Variants in CCDC73 observed in about 807,000 individuals in gnomAD.
CCDC73 encodes the protein coiled-coil domain containing 73.
CCDC73 carries 95 observed loss-of-function variants against 116.5 expected under a neutral mutation model. The observed-to-expected ratio is 0.82, with a 90% CI of 0.69 to 0.97. The LOEUF (loss-of-function observed/expected upper bound fraction) is 0.97, where lower values mean the gene tolerates loss of function less well. Ranked by LOEUF, CCDC73 falls within the 50% of genes least tolerant of loss-of-function variation. The pLI, the probability that CCDC73 is intolerant of heterozygous loss-of-function variation, is 0.00. For synonymous variants in CCDC73, 398 were observed against 401.3 expected, an observed-to-expected ratio of 0.99 and a Z score of 0.10; for missense variants, 1,066 against 1,206.8, an observed-to-expected ratio of 0.88 and a Z score of 1.73.
intron 1 of CCDC73, among the ~76,000 whole-genome samples, chr11:32,773,176 G>T (rs1028458907): frequency 6.6e-6 from 1 of 152,048 alleles, no homozygotes; most frequent in Non-Finnish European, 1.5e-5. Flanking sequence ...ATCACAAAAG[G>T]CCACATATTT....
In CCDC73 at chr11:32,748,174, AT is replaced by A. The variant is rs201142503; in HGVS notation, c.135+11934del. ...GAGGACTATCTCTCATCATTTTGTT[AT>A]TTTTTTTTTCTGGTTGTTTTGTGGT... On this transcript the variant is annotated intron_variant, in intron 2 of 17. Transcript: ENST00000335185. 3.2e-3 allele frequency among the ~76,000 whole-genome samples: 468 copies of A among 146,156 alleles called. 4 individuals are homozygous for A. Among genetic ancestry groups the A allele is most frequent in the East Asian group, 0.02 (100 of 4,958 alleles).
the CCDC73 span, among the ~76,000 whole-genome samples, chr11:32,815,460 A>T: frequency 6.7e-6 from 1 of 150,312 alleles, no homozygotes; most frequent in Non-Finnish European, 1.5e-5. Context: ...TCAGCCTCCC[A>T]AAGCGCTGGG....
At chr11:32,637,679 T>C (rs577059076) in intron 13 of CCDC73, among the ~76,000 whole-genome samples, 1 of 151,834 alleles carries the variant, frequency 6.6e-6, no homozygotes, top group East Asian at 1.9e-4. Context: ...TCACAAAATA[T>C]TGGCTTTTCC....
At chr11:32,760,665 T>C (rs140220215) in intron 1 of CCDC73, among the ~76,000 whole-genome samples, 69 of 152,362 alleles carry the variant, frequency 4.5e-4, no homozygotes, top group Admixed American at 1.2e-3. Flanking sequence ...AAACTCAACA[T>C]AGTTGGAAGA....
chr11:32,748,932 GTTAT>G (rs1850263709), intron 2 of CCDC73, among the ~76,000 whole-genome samples: 1 of 152,092 alleles, frequency 6.6e-6, no homozygotes, highest in Admixed American at 6.6e-5. Context: ...CTCCATGTAT[GTTAT>G]TTGTTTCTTT....
intron 2 of CCDC73, among the ~76,000 whole-genome samples, chr11:32,730,548 G>A (rs1474804346): frequency 6.6e-6 from 1 of 152,150 alleles, no homozygotes; most frequent in African/African-American, 2.4e-5. Context: ...TCTTAGTGTT[G>A]TTGCTTTGAA....
the CCDC73 span, among the ~76,000 whole-genome samples, chr11:32,811,798 C>A: frequency 9.2e-5 from 14 of 152,102 alleles, no homozygotes; most frequent in Non-Finnish European, 1.6e-4. Flanking sequence ...GAGGGATCCA[C>A]CCTCATAACC....
rs149987156 is a variant in CCDC73 at position 32,720,006 on chromosome 11, T to C, written c.136-1859A>G. On this transcript the variant is annotated intron_variant, in intron 2 of 17. Transcript: ENST00000335185. ...ATTAACACCACTTTTACACAGTCTCTTCCAGAAAAACAGAAGAGGAGGAAA... is the reference window on the plus strand; with the variant it reads ...ATTAACACCACTTTTACACAGTCTCCTCCAGAAAAACAGAAGAGGAGGAAA... Among the ~76,000 whole-genome samples the C allele has an allele frequency of 3.5e-3, 538 of 152,242 alleles. 6 individuals are homozygous for C. The highest frequency in any genetic ancestry group is 0.012 in the African/African-American group (519 of 41,544).
At chr11:32,645,017 C>A (rs1855764814) in intron 12 of CCDC73, among the ~76,000 whole-genome samples, 1 of 152,052 alleles carries the variant, frequency 6.6e-6, no homozygotes. Context: ...AACATTTATG[C>A]TATTTCTAGT....
intron 3 of CCDC73, among the ~76,000 whole-genome samples, chr11:32,714,755 C>T (rs1849930526): frequency 6.6e-6 from 1 of 152,068 alleles, no homozygotes; most frequent in Admixed American, 6.5e-5. Context: ...AGCCTCTACC[C>T]AAGACCTACA....
chr11:32,753,113 G>A (rs371518983), intron 2 of CCDC73, among the ~76,000 whole-genome samples: 2 of 151,944 alleles, frequency 1.3e-5, no homozygotes, highest in South Asian at 2.1e-4. Context: ...TGCCTGGCCA[G>A]TCACTTTTTT....
intron 1 of CCDC73, among the ~76,000 whole-genome samples, chr11:32,792,887 C>T (rs1334715359): frequency 6.6e-6 from 1 of 152,182 alleles, no homozygotes; most frequent in Non-Finnish European, 1.5e-5. Flanking sequence ...ACCTACGGTA[C>T]AGGGTTTGGG....
chr11:32,705,885 G>T (rs2101380), intron 3 of CCDC73, among the ~76,000 whole-genome samples: 2 of 152,014 alleles, frequency 1.3e-5, no homozygotes, highest in Non-Finnish European at 2.9e-5. Context: ...TGAGCCACAT[G>T]GTATGCCATG....
chr11:32,702,519 G>A (rs868841511), intron 4 of CCDC73, among the ~76,000 whole-genome samples: 18 of 152,150 alleles, frequency 1.2e-4, no homozygotes, highest in Non-Finnish European at 2.4e-4. Flanking sequence ...TGGGTAAAGC[G>A]GTACTATGGA....
intron 1 of CCDC73, among the ~76,000 whole-genome samples, chr11:32,779,708 C>CT (rs2133395211): frequency 6.6e-6 from 1 of 152,202 alleles, no homozygotes; most frequent in African/African-American, 2.4e-5. Flanking sequence ...ACGCACAGTT[C>CT]AACAAGAGTA....
chr11:32,760,490 G>A (rs2133377237), intron 1 of CCDC73, among the ~76,000 whole-genome samples: 1 of 152,250 alleles, frequency 6.6e-6, no homozygotes, highest in African/African-American at 2.4e-5. Context: ...TACCCTCAAA[G>A]GCTAAATTTT....
intron 14 of CCDC73, among the ~76,000 whole-genome samples, chr11:32,634,391 A>T (rs1278198765): frequency 1.3e-5 from 2 of 151,788 alleles, no homozygotes; most frequent in Non-Finnish European, 3.0e-5. Context: ...TGAAAAGAAT[A>T]AAAAAAACCC....
At chr11:32,721,718 C>T (rs971074457) in intron 2 of CCDC73, among the ~76,000 whole-genome samples, 7 of 63,512 alleles carry the variant, frequency 1.1e-4, no homozygotes, top group African/African-American at 1.8e-4. Context: ...CTCAGCCTCC[C>T]GAGTAGCTGG....
intron 13 of CCDC73, among the ~76,000 whole-genome samples, chr11:32,639,154 C>CA (rs1011947155): frequency 7.3e-6 from 1 of 136,114 alleles, no homozygotes; most frequent in Non-Finnish European, 1.7e-5. Context: ...TCTTCCCCGA[C>CA]ACCCCCCCCA....
Sources: allele counts gnomAD v4.1 joint callset (sites outside exome capture counted in the v4.1 genomes callset), GRCh38; gene constraint gnomAD v4.1.1; transcripts MANE v1.5; gene names NCBI Gene and HGNC (gene_info 2026-07-23, HGNC 2026-07-21).